SPATA6: variants seen among roughly 807,000 people sequenced by gnomAD.
SPATA6 encodes spermatogenesis-associated protein 6.
A neutral mutation model predicts 65.3 loss-of-function variants in SPATA6; 56 were observed. That is an observed-to-expected ratio of 0.86 (90% CI 0.69 to 1.07). SPATA6 has a LOEUF of 1.07. Among genes scored for constraint, SPATA6 ranks in the 50% least tolerant of loss-of-function variants. SPATA6 has a pLI of 0.00. For missense variants in SPATA6, 590 were observed against 594.8 expected, an observed-to-expected ratio of 0.99 and a Z score of 0.08; for synonymous variants, 199 against 213.2, an observed-to-expected ratio of 0.93 and a Z score of 0.58.
intron 8 of SPATA6, among the ~76,000 whole-genome samples, 170 bp downstream of exon 8, chr1:48,395,097 G>A (rs770404124): frequency 2.0e-5 from 3 of 152,036 alleles, no homozygotes; most frequent in Non-Finnish European, 4.4e-5. Context: ...ATCTTAGAGA[G>A]TATATAGTTA....
At chr1:48,356,182 G>A (rs1446350460) in intron 10 of SPATA6, among the ~76,000 whole-genome samples, 1 of 151,944 alleles carries the variant, frequency 6.6e-6, no homozygotes, top group Non-Finnish European at 1.5e-5. Context: ...GAAGTTAAAT[G>A]GTTTCTTTTC....
chr1:48,454,237 A>C (rs1250268728), intron 1 of SPATA6, among the ~76,000 whole-genome samples: 1 of 152,140 alleles, frequency 6.6e-6, no homozygotes, highest in African/African-American at 2.4e-5. Flanking sequence ...AGGCTCTCTA[A>C]GATTTGAGTA....
Position 48,305,857 on chromosome 1 carries a change from C to A in SPATA6, c.1216G>T (p.Asp406Tyr). The change falls in exon 12 of 13, where the codon GAT becomes TAT. Residue 406 changes from aspartate to tyrosine, a missense_variant. Coordinates refer to ENST00000371847, the MANE Select transcript of SPATA6 (RefSeq NM_019073.4). ...HLYDERDLEK[D>Y]DELELKRSLL... ...CTTCTTTTCAGTTCCAGTTCATCAT[C>A]TTTCTCTAGGTCTCTCTCATCCTGA... 6.2e-7 allele frequency: 1 copy of A among 1,612,074 alleles called. No homozygotes were observed. Among genetic ancestry groups the A allele is most frequent in the African/African-American group, 1.3e-5 (1 of 74,956 alleles).
chr1:48,323,462 G>A (rs6660549), intron 11 of SPATA6, among the ~76,000 whole-genome samples: 148,540 of 151,958 alleles, frequency 0.98, 72,689 homozygotes, highest in East Asian at 1. Context: ...AGAAATACCT[G>A]ACGTAAATGA....
At chr1:48,321,867 C>G (rs1645608076) in intron 11 of SPATA6, among the ~76,000 whole-genome samples, 1 of 152,246 alleles carries the variant, frequency 6.6e-6, no homozygotes, top group African/African-American at 2.4e-5. Flanking sequence ...ATTTTGGACA[C>G]TACACCAACA....
rs114908039 is a variant in SPATA6 at position 48,312,027 on chromosome 1, G to A, written c.1195-6149C>T. 3.2e-3 allele frequency among the ~76,000 whole-genome samples: 485 copies of A among 152,084 alleles called. 2 individuals carry two copies. The highest frequency in any genetic ancestry group is 0.011 in the African/African-American group (456 of 41,524). On this transcript the variant is annotated intron_variant, in intron 11 of 12. Coordinates refer to ENST00000371847, the MANE Select transcript of SPATA6 (RefSeq NM_019073.4). ...GTGGCAGCGAGGCTGGGGGAGGGGC[G>A]CCCATTGCCCAGGCTTGAGTAGGTA... is the stretch of plus-strand genomic sequence containing the variant.
intron 1 of SPATA6, among the ~76,000 whole-genome samples, chr1:48,470,702 C>A (rs1453259500): frequency 6.6e-6 from 1 of 151,934 alleles, no homozygotes; most frequent in Non-Finnish European, 1.5e-5. Context: ...TCTAACGTGA[C>A]GAAGGCCAGC....
chr1:48,311,413 TA>T (rs1374261910), intron 11 of SPATA6, among the ~76,000 whole-genome samples: 1 of 152,072 alleles, frequency 6.6e-6, no homozygotes, highest in Admixed American at 6.5e-5. Flanking sequence ...GAAATAATTG[TA>T]AACCAAAATA....
In SPATA6 at chr1:48,392,241, G is replaced by A. The variant is rs559953272; in HGVS notation, c.868+3026C>T. Among the ~76,000 whole-genome samples, 14 of 152,148 alleles carry A rather than the reference G, an allele frequency of 9.2e-5. No individual in the cohort carries two copies. The South Asian group carries it at 2.7e-3, about 29-fold the overall frequency. On this transcript the variant is annotated intron_variant, in intron 8 of 12. Coordinates refer to ENST00000371847, the MANE Select transcript of SPATA6 (RefSeq NM_019073.4). ...TTATATAGAAATGAGACTCATAAAAGAATCTTCAAATGAAGAGAAGAAAAG... is the reference window on the plus strand; with the variant it reads ...TTATATAGAAATGAGACTCATAAAAAAATCTTCAAATGAAGAGAAGAAAAG...
At chr1:48,321,030 A>G (rs1645584437) in intron 11 of SPATA6, among the ~76,000 whole-genome samples, 1 of 152,168 alleles carries the variant, frequency 6.6e-6, no homozygotes, top group African/African-American at 2.4e-5. Context: ...AACACAAAAA[A>G]TAAAGGGCAA....
chr1:48,276,445 T>G, the SPATA6 span, among the ~76,000 whole-genome samples: 1 of 152,224 alleles, frequency 6.6e-6, no homozygotes, highest in Non-Finnish European at 1.5e-5. Flanking sequence ...ACTTTAGATC[T>G]TTCCCACTTT....
intron 11 of SPATA6, among the ~76,000 whole-genome samples, chr1:48,318,033 C>A (rs1325540000): frequency 6.6e-6 from 1 of 152,092 alleles, no homozygotes; most frequent in Non-Finnish European, 1.5e-5. Flanking sequence ...GTCATATTAA[C>A]AGAATAAAGG....
In SPATA6 at chr1:48,472,124, T is replaced by A; in HGVS notation, c.-116A>T. On this transcript the variant is annotated 5_prime_UTR_variant, in exon 1 of 13. Coordinates refer to ENST00000371847, the MANE Select transcript of SPATA6 (RefSeq NM_019073.4). ...GAGGTGGCGGCGGCGGTGGCAGCAG[T>A]GGCCCCCAGGCCGGGGCCCGCGGTC... The A allele has an allele frequency of 1.2e-6, 1 of 812,266 alleles. No homozygotes were observed. Among genetic ancestry groups the A allele is most frequent in the Non-Finnish European group, 1.8e-6 (1 of 551,386 alleles). The allele number at this position is 812,266 out of a possible 1,614,324, so 50.3% of individuals were successfully genotyped here.
At chr1:48,332,312 C>A (rs1233285180) in intron 11 of SPATA6, among the ~76,000 whole-genome samples, 2 of 152,084 alleles carry the variant, frequency 1.3e-5, no homozygotes, top group Non-Finnish European at 2.9e-5. Flanking sequence ...AGAAACAGGA[C>A]CCAATAGTAT....
chr1:48,466,383 C>T (rs1265367373), intron 1 of SPATA6, among the ~76,000 whole-genome samples: 3 of 151,806 alleles, frequency 2.0e-5, no homozygotes, highest in African/African-American at 7.3e-5. Context: ...ACTATTTGTG[C>T]AAAATTTAAA....
chr1:48,267,199 G>T, the SPATA6 span, among the ~76,000 whole-genome samples: 1 of 152,108 alleles, frequency 6.6e-6, no homozygotes, highest in Non-Finnish European at 1.5e-5. Flanking sequence ...TCCCTAGGGT[G>T]TGCATGCAGA....
chr1:48,414,788 C>T (rs1425358576), intron 3 of SPATA6, among the ~76,000 whole-genome samples: 1 of 152,066 alleles, frequency 6.6e-6, no homozygotes, highest in African/African-American at 2.4e-5. Flanking sequence ...ATACTAAGTA[C>T]AAATACTTAC....
At chr1:48,402,492 CAAGCATAGGTTTTT>C (rs1454674497) in intron 6 of SPATA6, 1 of 152,168 alleles carries the variant, frequency 6.6e-6, no homozygotes, top group Non-Finnish European at 1.5e-5. Context: ...CTGCATTTGG[CAAGCATAGGTTTTT>C]AGAGCTCTAA....
intron 9 of SPATA6, 111 bp downstream of exon 9, chr1:48,385,195 ATTT>A: frequency 1.0e-6 from 1 of 956,826 alleles, no homozygotes; most frequent in Non-Finnish European, 1.4e-6. Flanking sequence ...TTGTTTTTAC[ATTT>A]TTTACTAAAT....
Sources: gnomAD v4.1 joint callset for allele counts (sites outside exome capture counted in the v4.1 genomes callset) on GRCh38, gnomAD v4.1.1 for gene constraint, MANE v1.5 for transcripts, NCBI Gene and HGNC (gene_info 2026-07-23, HGNC 2026-07-21) for gene names.